Variants in RBM7 observed in about 807,000 individuals in gnomAD.
RBM7 encodes RNA binding motif protein 7.
A neutral mutation model predicts 31.0 loss-of-function variants in RBM7; 13 were observed. The observed-to-expected ratio is 0.42, with a 90% CI of 0.27 to 0.67. The LOEUF (loss-of-function observed/expected upper bound fraction) is 0.67, where lower values mean the gene tolerates loss of function less well. Ranked by LOEUF, RBM7 falls within the 30% of genes least tolerant of loss-of-function variation. The pLI is 0.24. For synonymous variants in RBM7, 106 were observed against 111.2 expected (o/e 0.95, Z 0.30); for missense variants, 245 against 326.2 (o/e 0.75, Z 1.92).
At position 114,400,763 on chromosome 11, in the gene RBM7, A is replaced by G; in HGVS notation, c.92A>G (p.His31Arg). 6.2e-7 allele frequency: 1 copy of G among 1,614,142 alleles called. No individual in the cohort carries two copies. The highest frequency in any genetic ancestry group is 8.5e-7 in the Non-Finnish European group (1 of 1,180,024). The stretch of plus-strand genomic sequence containing the variant: ...GAGGAGCTCCTTTTCGAGCTTTTCC[A>G]CCAGGTAAGCGGCTGGGTTCGGCCC... Reference protein sequence around the residue: ...VTEELLFELFHQAGPVIKVKI... With the variant: ...VTEELLFELFRQAGPVIKVKI... Residue 31 changes from histidine to arginine, a missense_variant, in exon 1 of 5, where the codon CAC (histidine) becomes CGC (arginine). Transcript: ENST00000375490.
At position 114,408,917 on chromosome 11, in the gene RBM7, T is replaced by G. The variant is rs1946303426; in HGVS notation, c.*1110T>G. ...TATACTGAAAATATAAAAGGAAGGG[T>G]GTGTGTTATTTTTTTTTTTTTATGT... On this transcript the variant is annotated 3_prime_UTR_variant, in exon 5 of 5. Coordinates refer to ENST00000375490, the MANE Select transcript of RBM7 (RefSeq NM_001286045.2). The G allele has an allele frequency of 6.6e-6, 1 of 151,906 alleles. No homozygotes were observed. The highest frequency in any genetic ancestry group is 1.9e-4 in the East Asian group (1 of 5,322). The allele number at this position is 151,906 out of a possible 1,614,324, so 9.4% of individuals were successfully genotyped here. A position where few individuals can be genotyped will look rare whatever the true frequency, so the allele number is the denominator to read the frequency against.
chr11:114,405,860 C>A, intron 4 of RBM7, 61 bp downstream of exon 4: 1 of 1,187,454 alleles, frequency 8.4e-7, no homozygotes. Context: ...TTAAAATGTT[C>A]GCATTGTATC....
rs764829483 is a variant in RBM7, at chr11:114,407,491, C to A, written c.488C>A (p.Ser163Tyr). ...ATGTCATATGGTGGAAAATTTGGTT[C>A]TTCACCTCTGGATCAATCAGGATTT... is the stretch of plus-strand genomic sequence containing the variant. ...RQMSYGGKFG[S>Y]SPLDQSGFSP... Residue 163 changes from serine (S) to tyrosine (Y), a missense_variant, in exon 5 of 5, where the codon TCT becomes TAT. Transcript: ENST00000375490. The A allele has an allele frequency of 1.2e-6, 2 of 1,613,886 alleles. No homozygotes were observed. The highest frequency in any genetic ancestry group is 3.3e-5 in the Admixed American group (2 of 59,998).
intron 3 of RBM7, among the ~76,000 whole-genome samples, chr11:114,405,169 G>A (rs750162125): frequency 1.3e-5 from 2 of 152,132 alleles, no homozygotes; most frequent in Non-Finnish European, 2.9e-5. Context: ...CATTAGCTCA[G>A]GGACTGACAA....
intron 4 of RBM7, chr11:114,407,194 G>A (rs147632065): frequency 2.9e-6 from 1 of 339,564 alleles, no homozygotes; most frequent in East Asian, 5.0e-5. Context: ...TTTTTACACA[G>A]TGATTTTGCA....
Position 114,407,862 on chromosome 11 carries a change from T to A in RBM7, c.*55T>A. On this transcript the variant is annotated 3_prime_UTR_variant, in exon 5 of 5. Coordinates refer to ENST00000375490, the MANE Select transcript of RBM7 (RefSeq NM_001286045.2). The stretch of plus-strand genomic sequence containing the variant: ...GGTCATTTTAGGCCCTTTGACTAAG[T>A]TGATATGGAAATATTTTGTTGAAAA... The A allele has an allele frequency of 6.7e-7, 1 of 1,501,710 alleles. No homozygotes were observed. The highest frequency in any genetic ancestry group is 1.3e-5 in the South Asian group (1 of 74,450). 93.0% of individuals were successfully genotyped at this position (1,501,710 alleles called of 1,614,324 possible).
intron 3 of RBM7, among the ~76,000 whole-genome samples, chr11:114,403,429 G>A (rs774732323): frequency 7.2e-5 from 11 of 152,154 alleles, no homozygotes; most frequent in Admixed American, 3.3e-4. Flanking sequence ...CTTTAGTCCC[G>A]TCTTCCCATG....
intron 3 of RBM7, 145 bp downstream of exon 3, chr11:114,403,060 T>C (rs1361139465): frequency 1.4e-6 from 1 of 721,454 alleles, no homozygotes; most frequent in South Asian, 1.7e-5. Flanking sequence ...GTTGTTGTTA[T>C]GTATCTATTC....
rs868112291 is a variant in RBM7 at position 114,410,368 on chromosome 11, T to C, written c.*2561T>C. ...TCCCTTTATACTTAACCTAGTATTT[T>C]CTACCTTTCCCCATCTAAAATAAAA... On this transcript the variant is annotated 3_prime_UTR_variant, in exon 5 of 5. Coordinates refer to ENST00000375490, the MANE Select transcript of RBM7 (RefSeq NM_001286045.2). 2 of 152,216 alleles carry C rather than the reference T, an allele frequency of 1.3e-5. No individual in the cohort carries two copies. The highest frequency in any genetic ancestry group is 2.9e-5 in the Non-Finnish European group (2 of 68,044). 9.4% of individuals were successfully genotyped at this position (152,216 alleles called of 1,614,324 possible). A position where few individuals can be genotyped will look rare whatever the true frequency, so the allele number is the denominator to read the frequency against.
Position 114,400,774 on chromosome 11 carries a change from G to A in RBM7, c.96+7G>A. On this transcript the variant is annotated splice_region_variant and intron_variant, in intron 1 of 4. Transcript: ENST00000375490. Reference sequence around the variant, plus strand: ...TTTCGAGCTTTTCCACCAGGTAAGCGGCTGGGTTCGGCCCTTTGCCTTTCG... The same window carrying A: ...TTTCGAGCTTTTCCACCAGGTAAGCAGCTGGGTTCGGCCCTTTGCCTTTCG... 6.2e-7 allele frequency: 1 copy of A among 1,614,196 alleles called. No individual in the cohort carries two copies. Among genetic ancestry groups the A allele is most frequent in the Non-Finnish European group, 8.5e-7 (1 of 1,180,034 alleles).
At position 114,401,681 on chromosome 11, in the gene RBM7, C is replaced by T; in HGVS notation, c.97-17C>T. 2 of 1,473,886 alleles carry T rather than the reference C, an allele frequency of 1.4e-6. No homozygotes were observed. Among genetic ancestry groups the T allele is most frequent in the Non-Finnish European group, 1.8e-6 (2 of 1,112,746 alleles). 91.3% of individuals were successfully genotyped at this position (1,473,886 alleles called of 1,614,324 possible). A position where few individuals can be genotyped will look rare whatever the true frequency, so the allele number is the denominator to read the frequency against. ...TTAGTTGCTTTATTTAAATTCTAAACACCTTTTTGTTTGTAGGCTGGGCCA... is the reference window on the plus strand; with the variant it reads ...TTAGTTGCTTTATTTAAATTCTAAATACCTTTTTGTTTGTAGGCTGGGCCA... On this transcript the variant is annotated splice_polypyrimidine_tract_variant and intron_variant, in intron 1 of 4. Coordinates refer to ENST00000375490, the MANE Select transcript of RBM7 (RefSeq NM_001286045.2).
chr11:114,407,385 A>G, intron 4 of RBM7, 60 bp from the exon 5 acceptor site: 1 of 1,523,972 alleles, frequency 6.6e-7, no homozygotes, highest in Non-Finnish European at 8.9e-7. Context: ...TTAACTGACC[A>G]AATACATATT....
intron 3 of RBM7, 90 bp downstream of exon 3, chr11:114,403,005 T>C: frequency 9.2e-7 from 1 of 1,091,812 alleles, no homozygotes. Flanking sequence ...TCTCCTTCAT[T>C]ATTCTCTTAT....
At chr11:114,406,376 T>G (rs770999829) in intron 4 of RBM7, 3 of 152,220 alleles carry the variant, frequency 2.0e-5, no homozygotes, top group African/African-American at 7.2e-5. Context: ...AAATGAAATA[T>G]AGAAGTCAAA....
At chr11:114,407,283 T>G in intron 4 of RBM7, 162 bp from the exon 5 acceptor site, 1 of 634,036 alleles carries the variant, frequency 1.6e-6, no homozygotes, top group Non-Finnish European at 2.7e-6. Flanking sequence ...ATATGTATCT[T>G]GTAGGTATAC....
chr11:114,401,026 C>T (rs1026843182), intron 1 of RBM7, among the ~76,000 whole-genome samples: 2 of 152,116 alleles, frequency 1.3e-5, no homozygotes, highest in African/African-American at 4.8e-5. Context: ...TCCAGGGGTC[C>T]TTGGGAACAC....
Position 114,408,638 on chromosome 11 carries a change from T to G in RBM7, c.*831T>G, listed in dbSNP as rs900941864. 6.6e-6 allele frequency: 1 copy of G among 152,192 alleles called. No homozygotes were observed. The highest frequency in any genetic ancestry group is 2.4e-5 in the African/African-American group (1 of 41,438). 9.4% of individuals were successfully genotyped at this position (152,192 alleles called of 1,614,324 possible). ...CTTCTGTCAGTCAAACGTTAAAAAC[T>G]TTAACATTTTCAAAGTGCCCAGACT... On this transcript the variant is annotated 3_prime_UTR_variant, in exon 5 of 5. Coordinates refer to ENST00000375490, the MANE Select transcript of RBM7 (RefSeq NM_001286045.2).
chr11:114,403,162 A>G (rs1946226801), intron 3 of RBM7, among the ~76,000 whole-genome samples: 1 of 152,200 alleles, frequency 6.6e-6, no homozygotes, highest in African/African-American at 2.4e-5. Flanking sequence ...GTTGATTTGT[A>G]GCGACATAAC....
chr11:114,402,382 C>CTTTTTCTTTTT (rs1946215146), intron 2 of RBM7, among the ~76,000 whole-genome samples: 1 of 50,126 alleles, frequency 2.0e-5, no homozygotes, highest in African/African-American at 6.9e-5. Flanking sequence ...GCTTGAGATT[C>CTTTTTCTTTTT]TTTTTTTTTT....
Sources: gnomAD v4.1 joint callset for allele counts (sites outside exome capture counted in the v4.1 genomes callset) on GRCh38, gnomAD v4.1.1 for gene constraint, MANE v1.5 for transcripts, NCBI Gene and HGNC (gene_info 2026-07-23, HGNC 2026-07-21) for gene names.